Variants in UTP11 observed in about 807,000 individuals in gnomAD.
UTP11 encodes probable U3 small nucleolar RNA-associated protein 11.
Under a neutral mutation model 39.0 loss-of-function variants are expected in UTP11, and 29 were observed. The observed-to-expected ratio is 0.74, with a 90% confidence interval of 0.55 to 1.01. The LOEUF is 1.01. UTP11 is among the 50% of genes least tolerant of loss of function. The pLI is 0.00. For missense variants in UTP11, 281 were observed against 306.0 expected (o/e 0.92, Z 0.61); for synonymous variants, 111 against 105.0 (o/e 1.06, Z -0.35).
Position 38,019,079 on chromosome 1 carries a change from A to G in UTP11, c.363A>G (p.Ser121=). 6.2e-7 allele frequency: 1 copy of G among 1,613,956 alleles called. No individual in the cohort carries two copies. Among genetic ancestry groups the G allele is most frequent in the Non-Finnish European group, 8.5e-7 (1 of 1,179,988 alleles). Reference sequence around the variant, plus strand: ...TCTAGAAAATCGAAAGACTAAAATCAGAGCTCCATCTGCTGGATTTCCAGG... The same window carrying G: ...TCTAGAAAATCGAAAGACTAAAATCGGAGCTCCATCTGCTGGATTTCCAGG... ...AEAKKIERLK[S]ELHLLDFQGK... The change falls in exon 5 of 8, where the codon TCA becomes TCG. Residue 121 remains serine, a synonymous_variant. Transcript: ENST00000373014.
chr1:38,018,919 C>A, intron 4 of UTP11, 140 bp from the exon 5 acceptor site: 1 of 751,836 alleles, frequency 1.3e-6, no homozygotes, highest in African/African-American at 1.8e-5. Context: ...TTGTTGGGAT[C>A]CTTTCCTTTA....
chr1:38,022,982 C>T (rs981911737), intron 7 of UTP11, among the ~76,000 whole-genome samples, 173 bp downstream of exon 7: 1 of 152,006 alleles, frequency 6.6e-6, no homozygotes, highest in African/African-American at 2.4e-5. Context: ...TGTTGAAATG[C>T]GCCTTGATTA....
intron 3 of UTP11, among the ~76,000 whole-genome samples, 194 bp downstream of exon 3, chr1:38,017,964 T>C (rs955118934): frequency 2.0e-5 from 3 of 152,202 alleles, no homozygotes; most frequent in Admixed American, 1.3e-4. Flanking sequence ...ATCTGGGTTG[T>C]CTTATACCTG....
intron 1 of UTP11, 86 bp from the exon 2 acceptor site, chr1:38,016,273 C>A: frequency 7.3e-7 from 1 of 1,368,934 alleles, no homozygotes; most frequent in Non-Finnish European, 1.0e-6. Flanking sequence ...ACTCCAGAGA[C>A]TCCTGTGCCT....
At position 38,023,703 on chromosome 1, in the gene UTP11, T is replaced by C. The variant is rs1202753797; in HGVS notation, c.*75T>C. 4 of 1,317,276 alleles carry C rather than the reference T, an allele frequency of 3.0e-6. No homozygotes were observed. The highest frequency in any genetic ancestry group is 4.2e-6 in the Non-Finnish European group (4 of 947,520). The allele number at this position is 1,317,276 out of a possible 1,614,324, so 81.6% of individuals were successfully genotyped here. On this transcript the variant is annotated 3_prime_UTR_variant, in exon 8 of 8. Coordinates refer to ENST00000373014, the MANE Select transcript of UTP11 (RefSeq NM_016037.4). ...TTCTAGTAACTTCAAATTCCATTAC[T>C]CCAAATGGCATGGTTTTCCGGTTTG...
rs374060510 is a variant in UTP11, at chr1:38,019,112, A to G, written c.396A>G (p.Gln132=). 1.2e-6 allele frequency: 2 copies of G among 1,613,976 alleles called. No homozygotes were observed. The highest frequency in any genetic ancestry group is 1.7e-6 in the Non-Finnish European group (2 of 1,180,038). The change falls in exon 5 of 8, where the codon CAA becomes CAG. Residue 132 remains glutamine, a synonymous_variant. Transcript: ENST00000373014. ...ELHLLDFQGK[Q]QNKHVFFFDT... ...ATCTGCTGGATTTCCAGGGGAAGCA[A>G]CAGAACAAGCATGTGTTCTTTTTTG...
chr1:38,023,664 A>T lies in UTP11; in HGVS notation c.*36A>T. On this transcript the variant is annotated 3_prime_UTR_variant, in exon 8 of 8. Transcript: ENST00000373014. ...ATAAGCCTTGTCATTCTGTATCAAA[A>T]ATCTGTTGTCGTTTTCTAGTAACTT... 1.3e-6 allele frequency: 2 copies of T among 1,571,120 alleles called. No individual in the cohort carries two copies. Among genetic ancestry groups the T allele is most frequent in the Non-Finnish European group, 1.7e-6 (2 of 1,158,338 alleles).
At chr1:38,019,523 T>TC in intron 6 of UTP11, 140 bp downstream of exon 6, 1 of 791,954 alleles carries the variant, frequency 1.3e-6, no homozygotes. Context: ...TCTCACTGTC[T>TC]CCCAGGCTGG....
intron 6 of UTP11, among the ~76,000 whole-genome samples, chr1:38,020,293 G>A (rs1646728989): frequency 6.6e-6 from 1 of 151,866 alleles, no homozygotes; most frequent in Admixed American, 6.6e-5. Context: ...TGTAGAAACG[G>A]GGTCTCGCTA....
At chr1:38,021,525 C>T (rs1284614244) in intron 6 of UTP11, among the ~76,000 whole-genome samples, 1 of 152,234 alleles carries the variant, frequency 6.6e-6, no homozygotes, top group Non-Finnish European at 1.5e-5. Flanking sequence ...ACCCCCCTTT[C>T]TCACTGGTAT....
In UTP11 at chr1:38,019,235, G is replaced by A. The variant is rs1646723279; in HGVS notation, c.437-18G>A. On this transcript the variant is annotated intron_variant, in intron 5 of 7. Transcript: ENST00000373014. Reference sequence around the variant, plus strand: ...TGTTAGAAACCGACAGTGCCTTAAGGATTGTCTTGAATTTTAGTTGAACAG... The same window carrying A: ...TGTTAGAAACCGACAGTGCCTTAAGAATTGTCTTGAATTTTAGTTGAACAG... The A allele has an allele frequency of 6.2e-7, 1 of 1,614,054 alleles. No individual in the cohort carries two copies. The highest frequency in any genetic ancestry group is 8.5e-7 in the Non-Finnish European group (1 of 1,180,004).
chr1:38,016,274 T>C, intron 1 of UTP11, 85 bp from the exon 2 acceptor site: 1 of 1,378,736 alleles, frequency 7.3e-7, no homozygotes, highest in Non-Finnish European at 1.0e-6. Flanking sequence ...CTCCAGAGAC[T>C]CCTGTGCCTG....
At chr1:38,020,208 C>A (rs894818898) in intron 6 of UTP11, among the ~76,000 whole-genome samples, 1 of 151,988 alleles carries the variant, frequency 6.6e-6, no homozygotes, top group Non-Finnish European at 1.5e-5. Context: ...CTTAAGCGAT[C>A]CTCCTGCCTC....
At chr1:38,019,534 A>C in intron 6 of UTP11, 151 bp downstream of exon 6, 3 of 707,684 alleles carry the variant, frequency 4.2e-6, no homozygotes, top group Non-Finnish European at 5.7e-6. Flanking sequence ...CCCAGGCTGG[A>C]GTGCAGTGGC....
In UTP11 at chr1:38,022,798, A is replaced by G. The variant is rs757102270; in HGVS notation, c.667A>G (p.Lys223Glu). Residue 223 changes from lysine (K) to glutamate (E), a missense_variant, in exon 7 of 8, where the codon AAA becomes GAA. Physicochemically the swap from Lys to Glu is moderately conservative, Grantham distance 56. Coordinates refer to ENST00000373014, the MANE Select transcript of UTP11 (RefSeq NM_016037.4). ...TATTGCTCAGAAAATTCAAACACGCAAAGATCTTATGGTGAGGAGAGAGAG... is the reference window on the plus strand; with the variant it reads ...TATTGCTCAGAAAATTCAAACACGCGAAGATCTTATGGTGAGGAGAGAGAG... ...FVIAQKIQTR[K>E]DLMDKTQKVK... is the part of the protein sequence containing the mutation. The G allele has an allele frequency of 6.2e-7, 1 of 1,613,098 alleles. No individual in the cohort carries two copies. The highest frequency in any genetic ancestry group is 8.5e-7 in the Non-Finnish European group (1 of 1,179,206).
intron 6 of UTP11, 42 bp from the exon 7 acceptor site, chr1:38,022,657 C>A: frequency 7.2e-7 from 1 of 1,380,866 alleles, no homozygotes; most frequent in Non-Finnish European, 1.0e-6. Flanking sequence ...TCATTTTTGT[C>A]CTGTTCATTG....
intron 6 of UTP11, among the ~76,000 whole-genome samples, chr1:38,020,458 A>G (rs1047174736): frequency 2.0e-5 from 3 of 152,004 alleles, no homozygotes; most frequent in African/African-American, 4.8e-5. Flanking sequence ...GCTTTTCCTT[A>G]TGGTGCTTTC....
At chr1:38,015,648 A>G (rs990167829) in intron 1 of UTP11, among the ~76,000 whole-genome samples, 1 of 152,248 alleles carries the variant, frequency 6.6e-6, no homozygotes, top group Non-Finnish European at 1.5e-5. Flanking sequence ...TAGAAGGATC[A>G]TACCAAGATT....
intron 2 of UTP11, 197 bp downstream of exon 2, chr1:38,016,617 A>C: frequency 1.8e-6 from 1 of 569,804 alleles, no homozygotes; most frequent in Non-Finnish European, 3.1e-6. Context: ...TTATTTATTT[A>C]ACTGTAGTTG....
Sources: gnomAD v4.1 joint callset for allele counts (sites outside exome capture counted in the v4.1 genomes callset) on GRCh38, gnomAD v4.1.1 for gene constraint, MANE v1.5 for transcripts, NCBI Gene and HGNC (gene_info 2026-07-23, HGNC 2026-07-21) for gene names.